The following GABRB1 variants were observed in gnomAD, a reference collection of about 807,000 sequenced individuals.
The protein encoded by GABRB1 is gamma-aminobutyric acid receptor subunit beta-1.
A neutral mutation model predicts 51.6 loss-of-function variants in GABRB1; 17 were observed. That is an observed-to-expected ratio of 0.33 (90% CI 0.23 to 0.49). The LOEUF (loss-of-function observed/expected upper bound fraction) is 0.49, where lower values mean the gene tolerates loss of function less well. Ranked by LOEUF, GABRB1 falls within the 20% of genes least tolerant of loss-of-function variation. The pLI, the probability that GABRB1 is intolerant of heterozygous loss-of-function variation, is 0.99. For missense variants in GABRB1, 410 were observed against 600.6 expected, an observed-to-expected ratio of 0.68 and a Z score of 3.32; for synonymous variants, 247 against 218.9, an observed-to-expected ratio of 1.13 and a Z score of -1.14.
chr4:47,207,399 C>G (rs553214802), intron 4 of GABRB1, among the ~76,000 whole-genome samples: 1 of 151,952 alleles, frequency 6.6e-6, no homozygotes, highest in Admixed American at 6.6e-5. Flanking sequence ...TTACTTTTGT[C>G]ATAATGTTCT....
At chr4:47,123,963 A>T (rs1715995106) in intron 3 of GABRB1, among the ~76,000 whole-genome samples, 2 of 119,100 alleles carry the variant, frequency 1.7e-5, no homozygotes, top group Non-Finnish European at 3.3e-5. Context: ...ATATATATGT[A>T]TAAATGCACA....
At chr4:47,234,564 A>G (rs1306619279) in intron 4 of GABRB1, among the ~76,000 whole-genome samples, 1 of 151,772 alleles carries the variant, frequency 6.6e-6, no homozygotes, top group East Asian at 1.9e-4. Context: ...CCATCGCTTC[A>G]TTTTTAAAAA....
At chr4:47,149,644 G>T (rs1343034978) in intron 3 of GABRB1, among the ~76,000 whole-genome samples, 1 of 151,894 alleles carries the variant, frequency 6.6e-6, no homozygotes, top group Non-Finnish European at 1.5e-5. Context: ...TCCTAGTTAG[G>T]TCCAGTCTAT....
chr4:47,299,754 G>T (rs1411847336), intron 4 of GABRB1, among the ~76,000 whole-genome samples: 1 of 152,090 alleles, frequency 6.6e-6, no homozygotes, highest in East Asian at 1.9e-4. Flanking sequence ...ATACCCAAAG[G>T]ACTATAAATC....
intron 4 of GABRB1, among the ~76,000 whole-genome samples, chr4:47,222,730 C>A (rs936574775): frequency 8.5e-5 from 13 of 152,078 alleles, no homozygotes; most frequent in African/African-American, 2.9e-4. Flanking sequence ...TGTGAACAAA[C>A]AAAACAGTTG....
At chr4:47,053,253 A>G (rs555585211) in intron 3 of GABRB1, among the ~76,000 whole-genome samples, 179 of 152,280 alleles carry the variant, frequency 1.2e-3, no homozygotes, top group African/African-American at 2.0e-3. Context: ...CAAAATTATC[A>G]TAGGCTCTGT....
chr4:47,294,095 C>T lies in GABRB1; in HGVS notation c.462-26032C>T, dbSNP rs527734985. Among the ~76,000 whole-genome samples the T allele has an allele frequency of 7.2e-5, 11 of 152,188 alleles. No homozygotes were observed. The East Asian group carries it at 1.9e-3, about 27-fold the overall frequency. ...AGTAATCAATGTTTAAGTATTCTAC[C>T]TTACTTAGAAATTATCTAGGTGGGG... On this transcript the variant is annotated intron_variant, in intron 4 of 8. Transcript: ENST00000295454.
At chr4:47,381,911 A>G (rs1727612310) in intron 5 of GABRB1, among the ~76,000 whole-genome samples, 1 of 152,172 alleles carries the variant, frequency 6.6e-6, no homozygotes, top group Non-Finnish European at 1.5e-5. Context: ...ATTTGCAAAA[A>G]ATTACAAAGA....
At chr4:47,228,387 G>T (rs1392040763) in intron 4 of GABRB1, among the ~76,000 whole-genome samples, 1 of 151,646 alleles carries the variant, frequency 6.6e-6, no homozygotes, top group Non-Finnish European at 1.5e-5. Flanking sequence ...AGAGGTCTTG[G>T]GTCCCAAGTG....
intron 3 of GABRB1, among the ~76,000 whole-genome samples, chr4:47,033,449 A>G (rs1291086504): frequency 1.3e-5 from 2 of 152,178 alleles, no homozygotes; most frequent in Non-Finnish European, 2.9e-5. Context: ...TCTAGAATCA[A>G]CCACCCAGGG....
chr4:47,146,310 CT>C (rs1272588943), intron 3 of GABRB1, among the ~76,000 whole-genome samples: 4 of 151,832 alleles, frequency 2.6e-5, no homozygotes, highest in Non-Finnish European at 4.4e-5. Flanking sequence ...TTTTTTCCCC[CT>C]CTCTCTCCCC....
chr4:47,147,414 T>G (rs1342532358), intron 3 of GABRB1, among the ~76,000 whole-genome samples: 1 of 152,134 alleles, frequency 6.6e-6, no homozygotes, highest in East Asian at 1.9e-4. Flanking sequence ...TATCTTTGGA[T>G]TTTCCTGACT....
intron 3 of GABRB1, among the ~76,000 whole-genome samples, chr4:47,158,289 T>C (rs961405540): frequency 3.9e-5 from 6 of 152,100 alleles, no homozygotes; most frequent in Non-Finnish European, 8.8e-5. Context: ...GTTGACAAAT[T>C]AAAATTGTGT....
intron 1 of GABRB1, among the ~76,000 whole-genome samples, chr4:46,995,896 G>A (rs2055940): frequency 0.24 from 35,988 of 151,888 alleles, 4,976 homozygotes; most frequent in Middle Eastern, 0.32. Context: ...TTATATTTTT[G>A]TTAATTGGGT....
chr4:47,333,319 G>A (rs1352973980), intron 5 of GABRB1, among the ~76,000 whole-genome samples: 5 of 149,648 alleles, frequency 3.3e-5, no homozygotes, highest in African/African-American at 2.5e-5. Context: ...TCTATACTTG[G>A]GAGAGACATG....
At chr4:47,357,957 G>T (rs893677262) in intron 5 of GABRB1, among the ~76,000 whole-genome samples, 31 of 152,124 alleles carry the variant, frequency 2.0e-4, no homozygotes, top group Non-Finnish European at 4.0e-4. Flanking sequence ...ACTAGCATAT[G>T]TTGAGAGCTT....
intron 4 of GABRB1, among the ~76,000 whole-genome samples, chr4:47,282,304 G>A (rs1723320146): frequency 1.3e-5 from 2 of 152,128 alleles, no homozygotes; most frequent in African/African-American, 2.4e-5. Flanking sequence ...ACCAATGCCT[G>A]AAACACAGCT....
intron 4 of GABRB1, among the ~76,000 whole-genome samples, chr4:47,283,532 C>A (rs568378728): frequency 2.0e-5 from 3 of 150,906 alleles, no homozygotes; most frequent in African/African-American, 7.3e-5. Context: ...ACTACAGGAG[C>A]CTGCCGCCAC....
intron 3 of GABRB1, among the ~76,000 whole-genome samples, chr4:47,125,559 C>CTTTTTTTTTTTTTTTTTTTTTTTT (rs71195605): frequency 1.2e-5 from 1 of 80,694 alleles, no homozygotes; most frequent in Non-Finnish European, 2.5e-5. Context: ...AGTATAATTT[C>CTTTTTTTTTTTTTTTTTTTTTTTT]TTTTTTTTTT....
Sources: gnomAD v4.1 joint callset for allele counts (sites outside exome capture counted in the v4.1 genomes callset) on GRCh38, gnomAD v4.1.1 for gene constraint, MANE v1.5 for transcripts, NCBI Gene and HGNC (gene_info 2026-07-23, HGNC 2026-07-21) for gene names.